Variants in LDLRAD3 observed in about 807,000 individuals in gnomAD.
LDLRAD3 encodes low-density lipoprotein receptor class A domain-containing protein 3.
Under a neutral mutation model 29.4 loss-of-function variants are expected in LDLRAD3, and 20 were observed. The ratio of observed to expected loss-of-function variants is 0.68; its 90% CI spans 0.48 to 0.99. The LOEUF is 0.99. LDLRAD3 is among the 50% of genes least tolerant of loss of function. LDLRAD3 has a pLI of 0.00. For missense variants in LDLRAD3, 420 were observed against 454.3 expected, an observed-to-expected ratio of 0.92 and a Z score of 0.69; for synonymous variants, 157 against 192.7, an observed-to-expected ratio of 0.81 and a Z score of 1.53.
At chr11:36,101,721 G>A (rs1170861399) in intron 4 of LDLRAD3, among the ~76,000 whole-genome samples, 1 of 152,014 alleles carries the variant, frequency 6.6e-6, no homozygotes, top group Non-Finnish European at 1.5e-5. Context: ...TGTCCAAACC[G>A]ACTAACTCAT....
rs547794619 is a variant in LDLRAD3, at chr11:35,999,659, T to C, written c.47-36444T>C. 2.6e-5 allele frequency among the ~76,000 whole-genome samples: 4 copies of C among 152,334 alleles called. No individual in the cohort carries two copies. The East Asian group carries it at 5.8e-4, about 22-fold the overall frequency. On this transcript the variant is annotated intron_variant, in intron 1 of 5. Coordinates refer to ENST00000315571, the MANE Select transcript of LDLRAD3 (RefSeq NM_174902.4). Reference sequence around the variant, plus strand: ...CTCCTTTGGCTAACCCAAAGTGCACTAATTCTGAAGACCCAAAGGGAGGGG... The same window carrying C: ...CTCCTTTGGCTAACCCAAAGTGCACCAATTCTGAAGACCCAAAGGGAGGGG...
intron 3 of LDLRAD3, among the ~76,000 whole-genome samples, chr11:36,085,921 T>C (rs1320135710): frequency 6.6e-6 from 1 of 152,164 alleles, no homozygotes; most frequent in African/African-American, 2.4e-5. Flanking sequence ...ACCAGAGCTC[T>C]GTTCATTTTT....
intron 1 of LDLRAD3, among the ~76,000 whole-genome samples, chr11:35,994,843 G>T (rs998103653): frequency 6.6e-6 from 1 of 152,290 alleles, no homozygotes; most frequent in African/African-American, 2.4e-5. Flanking sequence ...AAGCCACTTT[G>T]TTTGCTCATC....
At chr11:36,046,398 A>G (rs1291968678) in intron 2 of LDLRAD3, among the ~76,000 whole-genome samples, 1 of 152,192 alleles carries the variant, frequency 6.6e-6, no homozygotes, top group Non-Finnish European at 1.5e-5. Flanking sequence ...CTTTATTAGC[A>G]GCATGAGAAC....
At chr11:36,052,902 T>C (rs1852548741) in intron 2 of LDLRAD3, among the ~76,000 whole-genome samples, 1 of 151,562 alleles carries the variant, frequency 6.6e-6, no homozygotes, top group South Asian at 2.1e-4. Flanking sequence ...GTGTGAAGGG[T>C]CTAGCATATC....
At chr11:35,962,459 C>T (rs1211606626) in intron 1 of LDLRAD3, among the ~76,000 whole-genome samples, 4 of 152,206 alleles carry the variant, frequency 2.6e-5, no homozygotes, top group Non-Finnish European at 5.9e-5. Context: ...CCTCTGGGGC[C>T]GTCATCAGGA....
intron 4 of LDLRAD3, among the ~76,000 whole-genome samples, chr11:36,204,283 T>C (rs1855172498): frequency 6.6e-6 from 1 of 152,114 alleles, no homozygotes; most frequent in Non-Finnish European, 1.5e-5. Context: ...AGCCATCTCT[T>C]CCTGCTATAT....
At chr11:36,177,131 T>C (rs1383960318) in intron 4 of LDLRAD3, among the ~76,000 whole-genome samples, 1 of 152,188 alleles carries the variant, frequency 6.6e-6, no homozygotes, top group African/African-American at 2.4e-5. Flanking sequence ...TTATTTTGCA[T>C]TTCTCTGAGT....
chr11:36,162,437 G>A (rs1038044876), intron 4 of LDLRAD3, among the ~76,000 whole-genome samples: 5 of 152,122 alleles, frequency 3.3e-5, no homozygotes, highest in South Asian at 2.1e-4. Context: ...CCTGTCCTTC[G>A]TCTCCTGATT....
intron 4 of LDLRAD3, among the ~76,000 whole-genome samples, chr11:36,115,234 G>A (rs1441480061): frequency 6.6e-6 from 1 of 152,186 alleles, no homozygotes; most frequent in African/African-American, 2.4e-5. Flanking sequence ...TGACTTGTGA[G>A]ACCTGGAACC....
At chr11:36,065,078 G>C (rs923484508) in intron 2 of LDLRAD3, among the ~76,000 whole-genome samples, 9 of 152,106 alleles carry the variant, frequency 5.9e-5, no homozygotes, top group African/African-American at 1.9e-4. Flanking sequence ...TTGATCTTCA[G>C]CCTAGTTATT....
At chr11:36,091,696 C>A (rs1226221978) in intron 3 of LDLRAD3, among the ~76,000 whole-genome samples, 2 of 152,170 alleles carry the variant, frequency 1.3e-5, no homozygotes, top group Non-Finnish European at 2.9e-5. Context: ...TTCCTCTCCC[C>A]AGTTAACTGA....
chr11:36,022,427 ATT>A (rs77577718), intron 1 of LDLRAD3, among the ~76,000 whole-genome samples: 12 of 148,464 alleles, frequency 8.1e-5, no homozygotes, highest in African/African-American at 2.5e-4. Context: ...GAATTTTAGT[ATT>A]TTTTTTTTTC....
intron 4 of LDLRAD3, among the ~76,000 whole-genome samples, chr11:36,101,719 C>G (rs150683208): frequency 4.4e-4 from 67 of 152,234 alleles, no homozygotes; most frequent in African/African-American, 1.4e-3. Flanking sequence ...TATGTCCAAA[C>G]CGACTAACTC....
rs567821495 is a variant in LDLRAD3, at chr11:35,999,242, A to G, written c.47-36861A>G. On this transcript the variant is annotated intron_variant, in intron 1 of 5. Transcript: ENST00000315571. ...ACAATCAGTTAACTGGGTGCAGCCTAGAACCGAATGTATGTTATAAAAGAG... is the reference window on the plus strand; with the variant it reads ...ACAATCAGTTAACTGGGTGCAGCCTGGAACCGAATGTATGTTATAAAAGAG... Among the ~76,000 whole-genome samples, 38 of 152,318 alleles carry G rather than the reference A, an allele frequency of 2.5e-4. No individual in the cohort carries two copies. The South Asian group carries it at 7.5e-3, about 30-fold the overall frequency.
rs529695685 is a variant in LDLRAD3 at position 36,103,345 on chromosome 11, C to T, written c.454+4884C>T. Among the ~76,000 whole-genome samples, 60 of 150,002 alleles carry T rather than the reference C, an allele frequency of 4.0e-4. No individual in the cohort carries two copies. In the South Asian group the frequency reaches 7.8e-3, roughly 19 times the overall value. Reference sequence around the variant, plus strand: ...CTCCACCTCCCGGGTTCACACCATTCTCCTGCCTCAGCCTCCAGAGTAGCT... The same window carrying T: ...CTCCACCTCCCGGGTTCACACCATTTTCCTGCCTCAGCCTCCAGAGTAGCT... On this transcript the variant is annotated intron_variant, in intron 4 of 5. Coordinates refer to ENST00000315571, the MANE Select transcript of LDLRAD3 (RefSeq NM_174902.4).
intron 2 of LDLRAD3, among the ~76,000 whole-genome samples, chr11:36,076,791 T>C (rs780175977): frequency 6.6e-6 from 1 of 152,226 alleles, no homozygotes; most frequent in East Asian, 1.9e-4. Context: ...AGTTTCAGAA[T>C]TGATGACCCA....
intron 1 of LDLRAD3, among the ~76,000 whole-genome samples, chr11:35,961,084 C>T (rs927659881): frequency 2.0e-5 from 3 of 152,122 alleles, no homozygotes; most frequent in East Asian, 1.9e-4. Flanking sequence ...AGCTCTGGAC[C>T]GTAGGACTGG....
In LDLRAD3 at chr11:36,031,218, A is replaced by T. The variant is rs374722802; in HGVS notation, c.47-4885A>T. On this transcript the variant is annotated intron_variant, in intron 1 of 5. Coordinates refer to ENST00000315571, the MANE Select transcript of LDLRAD3 (RefSeq NM_174902.4). ...GAGGAGGAGAAACCCCAGCTAGCCA[A>T]CTTCGTGCTAATGCTTGTCTTTTTT... Among the ~76,000 whole-genome samples the T allele has an allele frequency of 2.0e-5, 3 of 152,314 alleles. No individual in the cohort carries two copies. The East Asian group carries it at 5.8e-4, about 29-fold the overall frequency.
Sources: allele counts gnomAD v4.1 joint callset (sites outside exome capture counted in the v4.1 genomes callset), GRCh38; gene constraint gnomAD v4.1.1; transcripts MANE v1.5; gene names NCBI Gene and HGNC (gene_info 2026-07-23, HGNC 2026-07-21).